The following COP1 variants were observed in gnomAD, a reference collection of about 807,000 sequenced individuals.
COP1 encodes the protein COP1 E3 ubiquitin ligase, also known as E3 ubiquitin-protein ligase COP1.
In COP1, 24 loss-of-function variants were observed where a neutral mutation model predicts 101.3. The ratio of observed to expected loss-of-function variants is 0.24; its 90% CI spans 0.17 to 0.33. The LOEUF is 0.33. Ranked by LOEUF, COP1 falls within the 10% of genes least tolerant of loss-of-function variation. The pLI is 1.00. For missense variants in COP1, 663 were observed against 906.2 expected (o/e 0.73, Z 3.45); for synonymous variants, 347 against 341.9 (o/e 1.01, Z -0.17).
At chr1:176,023,506 G>A (rs1014533683) in intron 15 of COP1, among the ~76,000 whole-genome samples, 1 of 151,898 alleles carries the variant, frequency 6.6e-6, no homozygotes, top group Non-Finnish European at 1.5e-5. Context: ...ATCACCTGAG[G>A]TCAGGAGTTT....
At chr1:176,112,953 T>A (rs1685548426) in intron 9 of COP1, among the ~76,000 whole-genome samples, 1 of 152,220 alleles carries the variant, frequency 6.6e-6, no homozygotes. Flanking sequence ...ATTTTCTTTA[T>A]CCTTTCATCT....
intron 9 of COP1, among the ~76,000 whole-genome samples, chr1:176,099,945 T>C (rs1464525998): frequency 6.6e-6 from 1 of 152,166 alleles, no homozygotes; most frequent in Non-Finnish European, 1.5e-5. Flanking sequence ...TTATCTGGGA[T>C]TTCTTGTGGA....
chr1:176,123,692 T>C (rs1223009071), intron 8 of COP1, among the ~76,000 whole-genome samples: 1 of 152,348 alleles, frequency 6.6e-6, no homozygotes, highest in African/African-American at 2.4e-5. Flanking sequence ...TGTGTAACTT[T>C]ACAGAGTAGA....
At chr1:175,962,991 G>A (rs1651564530) in intron 18 of COP1, among the ~76,000 whole-genome samples, 1 of 151,846 alleles carries the variant, frequency 6.6e-6, no homozygotes, top group African/African-American at 2.4e-5. Flanking sequence ...TAATATGTGA[G>A]GGCAAACTTA....
chr1:175,991,114 A>C (rs1310323969), intron 15 of COP1, among the ~76,000 whole-genome samples: 1 of 152,100 alleles, frequency 6.6e-6, no homozygotes, highest in Non-Finnish European at 1.5e-5. Context: ...CTGAACAGTA[A>C]GTACAATAAT....
chr1:176,171,541 CAAG>C (rs1267687435), intron 3 of COP1, among the ~76,000 whole-genome samples: 1 of 152,108 alleles, frequency 6.6e-6, no homozygotes, highest in African/African-American at 2.4e-5. Context: ...TAATTTCGTT[CAAG>C]AACTTTTCCT....
chr1:175,984,269 C>A (rs1253527682), intron 18 of COP1, among the ~76,000 whole-genome samples: 1 of 152,202 alleles, frequency 6.6e-6, no homozygotes, highest in Non-Finnish European at 1.5e-5. Flanking sequence ...TGTCCTGTGT[C>A]CCTGCCGCTC....
chr1:176,109,252 T>G (rs1194187282), intron 9 of COP1, among the ~76,000 whole-genome samples: 2 of 152,198 alleles, frequency 1.3e-5, no homozygotes, highest in African/African-American at 4.8e-5. Flanking sequence ...TAGGGTAGAC[T>G]TCTTTCTTCA....
At chr1:175,994,153 A>T (rs1363441572) in intron 15 of COP1, among the ~76,000 whole-genome samples, 1 of 152,186 alleles carries the variant, frequency 6.6e-6, no homozygotes, top group Non-Finnish European at 1.5e-5. Flanking sequence ...TAAGCTTCAT[A>T]AGTGAAGGAG....
intron 5 of COP1, among the ~76,000 whole-genome samples, chr1:176,149,602 A>T (rs553852): frequency 0.25 from 37,778 of 152,032 alleles, 6,634 homozygotes; most frequent in African/African-American, 0.5. Context: ...AAATCAAACA[A>T]CTGAAAACAA....
In COP1 at chr1:176,206,560, C is replaced by G; in HGVS notation, c.407+12G>C. ...AATTTAGGGACAAGGAGGGAGTGCT[C>G]TTCAAACCCACCATACGAAGTCGTT... On this transcript the variant is annotated intron_variant, in intron 1 of 19. Transcript: ENST00000367669. 6.2e-7 allele frequency: 1 copy of G among 1,603,794 alleles called. No homozygotes were observed. Among genetic ancestry groups the G allele is most frequent in the South Asian group, 1.1e-5 (1 of 90,466 alleles).
chr1:176,100,661 C>T (rs979200104), intron 9 of COP1, among the ~76,000 whole-genome samples: 7 of 152,078 alleles, frequency 4.6e-5, no homozygotes, highest in Non-Finnish European at 4.4e-5. Flanking sequence ...GCCCGTCACT[C>T]GGAGGTTTCC....
chr1:176,011,896 T>C (rs1030660489), intron 15 of COP1, among the ~76,000 whole-genome samples: 2 of 151,070 alleles, frequency 1.3e-5, no homozygotes, highest in African/African-American at 2.4e-5. Context: ...AATAAAAGTA[T>C]AGCACATACA....
In COP1 at chr1:176,007,377, T is replaced by C. The variant is rs1301844885; in HGVS notation, c.1730-17898A>G. Among the ~76,000 whole-genome samples, 8 of 152,352 alleles carry C rather than the reference T, an allele frequency of 5.3e-5. No individual in the cohort carries two copies. In the East Asian group the frequency reaches 9.6e-4, roughly 18 times the overall value. ...TCATTCTCCATCCAGCTTTGTTCCG[T>C]TGCTGGTGAGGAACTGCGTTCCTTT... On this transcript the variant is annotated intron_variant, in intron 15 of 19. Transcript: ENST00000367669.
chr1:176,177,776 CA>C (rs1697170818), intron 2 of COP1, among the ~76,000 whole-genome samples: 1 of 151,496 alleles, frequency 6.6e-6, no homozygotes, highest in South Asian at 2.1e-4. Flanking sequence ...TAACAAAATA[CA>C]AAATAAAACA....
At chr1:176,005,249 CTTT>C (rs1278668618) in intron 15 of COP1, among the ~76,000 whole-genome samples, 2 of 151,972 alleles carry the variant, frequency 1.3e-5, no homozygotes, top group African/African-American at 4.8e-5. Context: ...CTCTTTTCTT[CTTT>C]ATTAGTCTTG....
Position 176,206,890 on chromosome 1 carries a change from G to C in COP1, c.89C>G (p.Ser30Cys), listed in dbSNP as rs1412611185. ...AASSVTSASSSLSSSPSPPSV... is the reference protein window; with the variant it reads ...AASSVTSASSCLSSSPSPPSV... ...AGGCGGCGACGGGGAAGAGGATAAA[G>C]ACGAGGAGGCGGAAGTCACCGAGGA... The change falls in exon 1 of 20, where the codon TCT becomes TGT. Residue 30 changes from serine (S) to cysteine (C), a missense_variant. This residue lies in a region of COP1 where 204 missense variants were observed against 203.6 expected (regional missense o/e 1.00). Coordinates refer to ENST00000367669, the MANE Select transcript of COP1 (RefSeq NM_022457.7). 4 of 1,465,868 alleles carry C rather than the reference G, an allele frequency of 2.7e-6. No individual in the cohort carries two copies. Among genetic ancestry groups the C allele is most frequent in the Non-Finnish European group, 2.7e-6 (3 of 1,114,574 alleles). 90.8% of individuals were successfully genotyped at this position (1,465,868 alleles called of 1,614,324 possible).
At chr1:176,175,481 G>C (rs1004199758) in intron 3 of COP1, among the ~76,000 whole-genome samples, 1 of 152,212 alleles carries the variant, frequency 6.6e-6, no homozygotes, top group Middle Eastern at 3.4e-3. Flanking sequence ...CATAAGGAGC[G>C]TGCAACTTAG....
intron 18 of COP1, among the ~76,000 whole-genome samples, chr1:175,960,233 T>C (rs956879876): frequency 6.6e-6 from 1 of 152,190 alleles, no homozygotes; most frequent in East Asian, 1.9e-4. Context: ...GTAGATTAAA[T>C]GTCTTTGGAG....
Sources: gnomAD v4.1 joint callset for allele counts (sites outside exome capture counted in the v4.1 genomes callset) on GRCh38, gnomAD v4.1.1 for gene constraint, gnomAD v4.1.1 regional missense constraint, MANE v1.5 for transcripts, NCBI Gene and HGNC (gene_info 2026-07-23, HGNC 2026-07-21) for gene names.